The following RBFOX1 variants were observed in gnomAD, a reference collection of about 807,000 sequenced individuals.
RBFOX1 encodes RNA binding protein fox-1 homolog 1.
RBFOX1 carries 8 observed loss-of-function variants against 57.7 expected under a neutral mutation model. That is an observed-to-expected ratio of 0.14 (90% CI 0.08 to 0.25). RBFOX1 has a LOEUF of 0.25. Among genes scored for constraint, RBFOX1 ranks in the 10% least tolerant of loss-of-function variants. The pLI is 1.00. For synonymous variants in RBFOX1, 326 were observed against 222.4 expected (o/e 1.47, Z -4.15); for missense variants, 611 against 548.5 (o/e 1.11, Z -1.14).
chr16:6,890,016 G>T (rs2065039864), intron 3 of RBFOX1, among the ~76,000 whole-genome samples: 1 of 152,152 alleles, frequency 6.6e-6, no homozygotes, highest in South Asian at 2.1e-4. Context: ...ACCATTTATG[G>T]TTAATAATAG....
chr16:6,608,660 G>T (rs1022717584), intron 2 of RBFOX1, among the ~76,000 whole-genome samples: 1 of 152,184 alleles, frequency 6.6e-6, no homozygotes, highest in African/African-American at 2.4e-5. Context: ...CATGCCTGTG[G>T]TCTCAGGAGG....
At chr16:6,902,909 G>A (rs1330860289) in intron 3 of RBFOX1, among the ~76,000 whole-genome samples, 1 of 152,184 alleles carries the variant, frequency 6.6e-6, no homozygotes, top group Non-Finnish European at 1.5e-5. Context: ...GCCAAGTATT[G>A]AAGATGTAGA....
chr16:5,967,466 G>C (rs1448172853), intron 4 of RBFOX1, among the ~76,000 whole-genome samples: 1 of 152,108 alleles, frequency 6.6e-6, no homozygotes, highest in Non-Finnish European at 1.5e-5. Context: ...ATTTCTTTTA[G>C]TGAGAAGTGA....
intron 2 of RBFOX1, among the ~76,000 whole-genome samples, chr16:5,477,393 C>G (rs1368705487): frequency 6.6e-6 from 1 of 152,196 alleles, no homozygotes; most frequent in South Asian, 2.1e-4. Context: ...TATCTCACGA[C>G]CAATCAAATA....
At chr16:5,783,957 G>A (rs1390663006) in intron 3 of RBFOX1, among the ~76,000 whole-genome samples, 1 of 152,186 alleles carries the variant, frequency 6.6e-6, no homozygotes, top group Non-Finnish European at 1.5e-5. Context: ...TAGGAGGTAA[G>A]TATATTCATC....
At chr16:6,116,998 A>G (rs1002429596) in intron 1 of RBFOX1, among the ~76,000 whole-genome samples, 5 of 152,328 alleles carry the variant, frequency 3.3e-5, no homozygotes, top group East Asian at 1.9e-4. Context: ...GAGCTAGAGT[A>G]TTAAACATCT....
chr16:7,222,515 C>G (rs2092804632), intron 4 of RBFOX1, among the ~76,000 whole-genome samples: 1 of 152,188 alleles, frequency 6.6e-6, no homozygotes, highest in South Asian at 2.1e-4. Flanking sequence ...CATGTTAGCA[C>G]TCTTGATAAC....
intron 1 of RBFOX1, among the ~76,000 whole-genome samples, chr16:5,258,820 G>T (rs1175062487): frequency 6.6e-6 from 1 of 152,108 alleles, no homozygotes; most frequent in Non-Finnish European, 1.5e-5. Flanking sequence ...GGAGGCTGAG[G>T]CAGGAGAATC....
chr16:6,324,024 C>G (rs1215321557), intron 2 of RBFOX1, among the ~76,000 whole-genome samples: 1 of 152,174 alleles, frequency 6.6e-6, no homozygotes, highest in African/African-American at 2.4e-5. Context: ...CTGCCCGCCT[C>G]AGCCTCCCAA....
chr16:6,784,465 T>G (rs2081578302), intron 3 of RBFOX1, among the ~76,000 whole-genome samples: 1 of 152,146 alleles, frequency 6.6e-6, no homozygotes, highest in African/African-American at 2.4e-5. Flanking sequence ...TTGATTTTTT[T>G]GTTATTATAA....
intron 4 of RBFOX1, among the ~76,000 whole-genome samples, chr16:7,426,997 A>C (rs1010861243): frequency 4.6e-5 from 7 of 152,218 alleles, no homozygotes; most frequent in African/African-American, 1.7e-4. Flanking sequence ...CATCATTCTC[A>C]GCAAACTATT....
At chr16:6,698,834 C>T (rs2061428106) in intron 3 of RBFOX1, among the ~76,000 whole-genome samples, 1 of 152,082 alleles carries the variant, frequency 6.6e-6, no homozygotes, top group African/African-American at 2.4e-5. Flanking sequence ...TATGGAATTC[C>T]ATGTCCCCCA....
intron 4 of RBFOX1, among the ~76,000 whole-genome samples, chr16:7,342,174 G>T (rs570822419): frequency 2.0e-5 from 3 of 152,270 alleles, no homozygotes; most frequent in South Asian, 4.1e-4. Flanking sequence ...GTTACTCTTG[G>T]TAAGTTGCTT....
At chr16:5,540,586 A>G (rs921634301) in intron 2 of RBFOX1, among the ~76,000 whole-genome samples, 4 of 152,204 alleles carry the variant, frequency 2.6e-5, no homozygotes, top group Non-Finnish European at 4.4e-5. Flanking sequence ...TATTTCTCAA[A>G]TTGTGGCTCA....
intron 2 of RBFOX1, among the ~76,000 whole-genome samples, chr16:6,500,939 G>T (rs1174893831): frequency 9.0e-6 from 1 of 110,826 alleles, no homozygotes; most frequent in Non-Finnish European, 1.9e-5. Context: ...TAAGTTTTGG[G>T]TTGGTGTTGC....
intron 4 of RBFOX1, among the ~76,000 whole-genome samples, chr16:7,065,619 A>C (rs1343242378): frequency 6.6e-6 from 1 of 152,148 alleles, no homozygotes; most frequent in African/African-American, 2.4e-5. Context: ...ACTAATTAGC[A>C]TTGCATGACC....
intron 4 of RBFOX1, among the ~76,000 whole-genome samples, chr16:7,372,226 G>T (rs978827875): frequency 1.3e-5 from 2 of 152,006 alleles, no homozygotes; most frequent in Non-Finnish European, 1.5e-5. Context: ...TCCTATTTGG[G>T]CCTCGGAGCT....
intron 3 of RBFOX1, among the ~76,000 whole-genome samples, chr16:7,025,108 G>T (rs975551994): frequency 2.0e-5 from 3 of 152,182 alleles, no homozygotes; most frequent in African/African-American, 7.2e-5. Context: ...TAAGAATGTA[G>T]AGGAATAAAA....
intron 4 of RBFOX1, among the ~76,000 whole-genome samples, chr16:7,195,638 A>C (rs185544509): frequency 4.0e-4 from 61 of 152,096 alleles, no homozygotes; most frequent in African/African-American, 1.2e-3. Context: ...ACTCACTGCA[A>C]CCTCCACCTC....
Sources: gnomAD v4.1 joint callset for allele counts (sites outside exome capture counted in the v4.1 genomes callset) on GRCh38, gnomAD v4.1.1 for gene constraint, MANE v1.5 for transcripts, NCBI Gene and HGNC (gene_info 2026-07-23, HGNC 2026-07-21) for gene names.